Variants in CYBB observed in about 807,000 individuals in gnomAD.
CYBB encodes cytochrome b-245 beta chain.
In CYBB, 5 loss-of-function variants were observed where a neutral mutation model predicts 46.5. The observed-to-expected ratio is 0.11, with a 90% CI of 0.06 to 0.23. The LOEUF (loss-of-function observed/expected upper bound fraction) is 0.23, where lower values mean the gene tolerates loss of function less well. Ranked by LOEUF, CYBB falls within the 10% of genes least tolerant of loss-of-function variation. CYBB has a pLI of 1.00. For missense variants in CYBB, 307 were observed against 428.3 expected (o/e 0.72, Z 2.50); for synonymous variants, 183 against 156.7 (o/e 1.17, Z -1.26).
intron 3 of CYBB, among the ~76,000 whole-genome samples, chrX:37,788,962 T>C (rs1929135560): frequency 9.0e-6 from 1 of 111,616 alleles, no homozygotes; most frequent in East Asian, 2.8e-4. Context: ...TCAAGGTGTT[T>C]TCTGGGCTGA....
chrX:37,791,346 G>A (rs781961374), intron 3 of CYBB, among the ~76,000 whole-genome samples: 6 of 111,842 alleles, frequency 5.4e-5, no homozygotes, highest in Non-Finnish European at 9.4e-5. Flanking sequence ...TTACATTAAA[G>A]ATTAATGTAA....
intron 10 of CYBB, 25 bp downstream of exon 10, chrX:37,805,193 G>A: frequency 1.7e-6 from 2 of 1,201,294 alleles, no homozygotes; most frequent in Non-Finnish European, 2.3e-6. Context: ...TTATCGGAGG[G>A]CCTTAGAGCA....
In CYBB at chrX:37,805,123, C is replaced by A. The variant is rs782736081; in HGVS notation, c.1269C>A (p.Val423=). 1.7e-6 allele frequency: 2 copies of A among 1,211,173 alleles called. No homozygotes were observed. Among genetic ancestry groups the A allele is most frequent in the Non-Finnish European group, 2.2e-6 (2 of 895,104 alleles). Residue 423 remains valine (V), a synonymous_variant, in exon 10 of 13, where the codon GTC becomes GTA. Coordinates refer to ENST00000378588, the MANE Select transcript of CYBB (RefSeq NM_000397.4). ...VTPFASILKS[V]WYKYCNNATN... ...CCTTCGCATCCATTCTCAAGTCAGT[C>A]TGGTACAAATATTGCAATAACGCCA...
chrX:37,794,819 G>A (rs1391747368), intron 5 of CYBB, among the ~76,000 whole-genome samples: 2 of 111,476 alleles, frequency 1.8e-5, no homozygotes, highest in Non-Finnish European at 3.8e-5. Context: ...AATATGCACT[G>A]AATTCTAAAA....
intron 11 of CYBB, among the ~76,000 whole-genome samples, chrX:37,806,896 C>CTCTCTCTCTGTGTGTG (rs782587393): frequency 9.4e-6 from 1 of 106,344 alleles, no homozygotes; most frequent in East Asian, 2.9e-4. Flanking sequence ...CTCTCTGTCT[C>CTCTCTCTCTGTGTGTG]TGTGTGTGTG....
At chrX:37,804,562 T>C (rs1430258467) in intron 9 of CYBB, among the ~76,000 whole-genome samples, 3 of 111,307 alleles carry the variant, frequency 2.7e-5, no homozygotes, top group Non-Finnish European at 5.7e-5. Flanking sequence ...AAAGAAAGGT[T>C]TGAGAGTTTG....
chrX:37,788,181 G>T (rs1751436268), intron 3 of CYBB, among the ~76,000 whole-genome samples: 1 of 111,716 alleles, frequency 9.0e-6, no homozygotes, highest in Non-Finnish European at 1.9e-5. Context: ...ATGATCCATG[G>T]TGATTATGAT....
chrX:37,804,379 T>A (rs1275367454), intron 9 of CYBB, among the ~76,000 whole-genome samples: 1 of 111,881 alleles, frequency 8.9e-6, no homozygotes, highest in Non-Finnish European at 1.9e-5. Context: ...TTTAAATATG[T>A]AAGGGTCAAG....
chrX:37,801,904 G>C (rs1216422293), intron 8 of CYBB, among the ~76,000 whole-genome samples: 4 of 110,579 alleles, frequency 3.6e-5, no homozygotes, highest in Non-Finnish European at 5.7e-5. Context: ...TAAATAAGCT[G>C]CCTCTCAAAT....
chrX:37,790,295 G>A (rs1245679810), intron 3 of CYBB, among the ~76,000 whole-genome samples: 1 of 111,315 alleles, frequency 9.0e-6, no homozygotes, highest in Non-Finnish European at 1.9e-5. Flanking sequence ...CTTCCGGATA[G>A]AATACTTACA....
In CYBB at chrX:37,806,377, C is replaced by A. The variant is rs1373555074; in HGVS notation, c.1315-10C>A. Reference sequence around the variant, plus strand: ...AATATAATCTGCTTCATGATCCACCCCATTTTCAGATCTACTTCTACTGGC... The same window carrying A: ...AATATAATCTGCTTCATGATCCACCACATTTTCAGATCTACTTCTACTGGC... On this transcript the variant is annotated splice_polypyrimidine_tract_variant and intron_variant, in intron 10 of 12. Coordinates refer to ENST00000378588, the MANE Select transcript of CYBB (RefSeq NM_000397.4). The A allele has an allele frequency of 8.3e-7, 1 of 1,210,354 alleles. No homozygotes were observed. The highest frequency in any genetic ancestry group is 1.8e-5 in the South Asian group (1 of 56,978).
At chrX:37,794,158 A>C (rs978295358) in intron 5 of CYBB, among the ~76,000 whole-genome samples, 2 of 111,867 alleles carry the variant, frequency 1.8e-5, no homozygotes, top group Admixed American at 9.5e-5. Flanking sequence ...TACTTGCTAC[A>C]GCAAAAGAAA....
In CYBB at chrX:37,813,357, T is replaced by C. The variant is rs752131308; in HGVS notation, c.*2440T>C. The C allele has an allele frequency of 1.8e-5, 2 of 110,936 alleles. No homozygotes were observed. The highest frequency in any genetic ancestry group is 3.8e-5 in the Non-Finnish European group (2 of 52,974). 9.1% of individuals were successfully genotyped at this position (110,936 alleles called of 1,213,427 possible). On this transcript the variant is annotated 3_prime_UTR_variant, in exon 13 of 13. Coordinates refer to ENST00000378588, the MANE Select transcript of CYBB (RefSeq NM_000397.4). ...TGCAATTGTGTTTGTGAAATTTGAA[T>C]ACTTGCAGGCTTTGTATGTGAATAA...
Position 37,799,028 on chromosome X carries a change from G to A in CYBB, c.748G>A (p.Glu250Lys). 1 of 1,208,638 alleles carries A rather than the reference G, an allele frequency of 8.3e-7. No individual in the cohort carries two copies. Among genetic ancestry groups the A allele is most frequent in the African/African-American group, 1.7e-5 (1 of 57,746 alleles). Reference protein sequence around the residue: ...NITVCEQKISEWGKIKECPIP... With the variant: ...NITVCEQKISKWGKIKECPIP... ...AACAGTTTGTGAACAAAAAATCTCA[G>A]AATGGGGAAAAATAAAGGAATGCCC... The change falls in exon 7 of 13, where the codon GAA becomes AAA. Residue 250 changes from glutamate to lysine, a missense_variant. Glu to Lys is a moderately conservative substitution (Grantham distance 56). This residue lies in a region of CYBB where 82 missense variants were observed against 69.9 expected (regional missense o/e 1.17). Transcript: ENST00000378588.
At chrX:37,808,889 C>T (rs1269565568) in intron 11 of CYBB, among the ~76,000 whole-genome samples, 1 of 112,230 alleles carries the variant, frequency 8.9e-6, no homozygotes, top group East Asian at 2.8e-4. Context: ...TTCTTAACCT[C>T]CTCTATGACC....
intron 2 of CYBB, among the ~76,000 whole-genome samples, chrX:37,782,878 G>A (rs1928982031): frequency 9.0e-6 from 1 of 111,428 alleles, no homozygotes; most frequent in Admixed American, 9.5e-5. Flanking sequence ...CATTATAATT[G>A]TTGTTAGCTT....
chrX:37,788,030 A>G (rs1929110102), intron 3 of CYBB, among the ~76,000 whole-genome samples: 1 of 112,158 alleles, frequency 8.9e-6, no homozygotes, highest in Admixed American at 9.4e-5. Context: ...TTACCTATTA[A>G]GATGAAACAG....
Position 37,809,585 on chromosome X carries a change from C to A in CYBB, c.1480C>A (p.His494Asn). Residue 494 changes from histidine to asparagine, a missense_variant, in exon 12 of 13, where the codon CAC becomes AAC. Physicochemically the swap from His to Asn is moderately conservative, Grantham distance 68. This residue lies in a region of CYBB where 122 missense variants were observed against 208.3 expected (regional missense o/e 0.59). Coordinates refer to ENST00000378588, the MANE Select transcript of CYBB (RefSeq NM_000397.4). The part of the protein sequence containing the change: ...DESQANHFAV[H>N]HDEEKDVITG... ...CCTGTAGGCCAATCACTTTGCTGTG[C>A]ACCATGATGAGGAGAAAGATGTGAT... The A allele has an allele frequency of 1.7e-6, 2 of 1,201,216 alleles. No individual in the cohort carries two copies. The highest frequency in any genetic ancestry group is 2.2e-6 in the Non-Finnish European group (2 of 889,426).
rs1413782759 is a variant in CYBB, at chrX:37,813,231, T to TA, written c.*2315dup. The TA allele has an allele frequency of 9.2e-5, 9 of 97,984 alleles. No individual in the cohort carries two copies. The highest frequency in any genetic ancestry group is 1.8e-4 in the Non-Finnish European group (9 of 48,923). 8.1% of individuals were successfully genotyped at this position (97,984 alleles called of 1,213,427 possible). On this transcript the variant is annotated 3_prime_UTR_variant, in exon 13 of 13. Transcript: ENST00000378588. ...AGCTTTTTTTTTTTTTTTTTTTTTT[T>TA]AGCACTTAGTATTTAGCATTTATTA...
Sources: gnomAD v4.1 joint callset for allele counts (sites outside exome capture counted in the v4.1 genomes callset) on GRCh38, gnomAD v4.1.1 for gene constraint, gnomAD v4.1.1 regional missense constraint, MANE v1.5 for transcripts, NCBI Gene and HGNC (gene_info 2026-07-23, HGNC 2026-07-21) for gene names.